PALLD: variants seen among roughly 807,000 people sequenced by gnomAD.
PALLD encodes the protein palladin, cytoskeletal associated protein, also known as palladin.
PALLD carries 61 observed loss-of-function variants against 123.5 expected under a neutral mutation model. The ratio of observed to expected loss-of-function variants is 0.49; its 90% CI spans 0.40 to 0.61. The LOEUF is 0.61. PALLD is among the 20% of genes least tolerant of loss of function. PALLD has a pLI of 0.00. For missense variants in PALLD, 1,273 were observed against 1,377.0 expected (o/e 0.92, Z 1.20); for synonymous variants, 465 against 496.4 (o/e 0.94, Z 0.84).
chr4:168,718,938 C>T lies in PALLD; in HGVS notation c.1964+7015C>T, dbSNP rs533181001. Among the ~76,000 whole-genome samples, 27 of 139,216 alleles carry T rather than the reference C, an allele frequency of 1.9e-4. No individual in the cohort carries two copies. In the South Asian group the frequency reaches 2.9e-3, roughly 15 times the overall value. The allele number at this position is 139,216 out of a possible 152,430, so 91.3% of individuals were successfully genotyped here. The stretch of plus-strand genomic sequence containing the variant: ...TTTTTTTTTTTTTGAGACGGAGTCT[C>T]GCTCTGTTGCCCAGGCTGGAGTGCA... On this transcript the variant is annotated intron_variant, in intron 10 of 21. Transcript: ENST00000505667.
intron 10 of PALLD, among the ~76,000 whole-genome samples, chr4:168,749,775 G>A (rs186072586): frequency 3.1e-4 from 47 of 152,250 alleles, no homozygotes; most frequent in Admixed American, 5.9e-4. Flanking sequence ...TTTGTTACAT[G>A]GGGGTATTGT....
At chr4:168,582,948 T>C (rs2319910) in intron 2 of PALLD, among the ~76,000 whole-genome samples, 39,937 of 152,064 alleles carry the variant, frequency 0.26, 6,031 homozygotes, top group East Asian at 0.35. Flanking sequence ...AGTACTTTAC[T>C]GTTCATTGAA....
intron 10 of PALLD, among the ~76,000 whole-genome samples, chr4:168,761,367 GA>G (rs1482264207): frequency 2.0e-5 from 3 of 152,058 alleles, no homozygotes; most frequent in African/African-American, 7.2e-5. Flanking sequence ...GTAAAACTCG[GA>G]GATTCTTTCC....
intron 2 of PALLD, among the ~76,000 whole-genome samples, chr4:168,633,151 A>G (rs1000842624): frequency 3.3e-5 from 5 of 152,346 alleles, no homozygotes; most frequent in African/African-American, 9.6e-5. Flanking sequence ...GTGGAGCTCA[A>G]TGGAATGCTT....
chr4:168,802,106 G>A (rs951601793), intron 10 of PALLD, among the ~76,000 whole-genome samples: 3 of 152,194 alleles, frequency 2.0e-5, no homozygotes, highest in Non-Finnish European at 2.9e-5. Flanking sequence ...CTACAAAATT[G>A]GGGAGTTACT....
chr4:168,525,914 T>C (rs1277743783), intron 2 of PALLD, among the ~76,000 whole-genome samples: 1 of 152,226 alleles, frequency 6.6e-6, no homozygotes. Context: ...CCTATAATAA[T>C]TATATACCGT....
chr4:168,504,252 T>C lies in PALLD; in HGVS notation c.-83+7058T>C, dbSNP rs182057390. ...TGGGCGAGGCCAAGGAAGAGTCATT[T>C]CCTCCATGGTGAAGAACATAATGCT... On this transcript the variant is annotated intron_variant, in intron 1 of 21. Coordinates refer to ENST00000505667, the MANE Select transcript of PALLD (RefSeq NM_001166108.2). 3.0e-3 allele frequency among the ~76,000 whole-genome samples: 463 copies of C among 152,258 alleles called. 4 individuals carry two copies. The highest frequency in any genetic ancestry group is 0.017 in the Middle Eastern group (5 of 294).
In PALLD at chr4:168,891,055, C is replaced by G. The variant is rs1227774822; in HGVS notation, c.2098C>G (p.Pro700Ala). 1.2e-6 allele frequency: 2 copies of G among 1,613,922 alleles called. No homozygotes were observed. The highest frequency in any genetic ancestry group is 1.7e-6 in the Non-Finnish European group (2 of 1,179,932). The part of the protein sequence containing the change: ...FKEDLLNNGQ[P>A]RLTYEERMAR... ...GGAGGACCTCCTGAACAATGGCCAG[C>G]CGGTACTGATAGATTTGGGACCTGG... is the stretch of plus-strand genomic sequence containing the variant. The change falls in exon 11 of 22, where the codon CCG becomes GCG. Residue 700 changes from proline (P) to alanine (A), a missense_variant and splice_region_variant. By Grantham distance (27) the Pro-to-Ala change is conservative. Around this residue, in one of 2 missense-constraint regions of PALLD, gnomAD observed 944 missense variants for 954.5 expected, o/e 0.99. Coordinates refer to ENST00000505667, the MANE Select transcript of PALLD (RefSeq NM_001166108.2).
chr4:168,505,733 G>A (rs187713683), intron 1 of PALLD, among the ~76,000 whole-genome samples: 9 of 152,288 alleles, frequency 5.9e-5, no homozygotes, highest in African/African-American at 2.2e-4. Context: ...ATGACTCTGG[G>A]CACAATGCCC....
At chr4:168,567,068 G>T (rs2149594730) in intron 2 of PALLD, among the ~76,000 whole-genome samples, 1 of 152,298 alleles carries the variant, frequency 6.6e-6, no homozygotes, top group East Asian at 1.9e-4. Flanking sequence ...ACAGTGAGTT[G>T]TCTCTGTAGC....
At chr4:168,517,688 G>A (rs1317901031) in intron 2 of PALLD, among the ~76,000 whole-genome samples, 4 of 152,118 alleles carry the variant, frequency 2.6e-5, no homozygotes, top group African/African-American at 7.2e-5. Flanking sequence ...ATTTGGTTTC[G>A]GAAAATGTAG....
rs1182432684 is a variant in PALLD at position 168,828,870 on chromosome 4, C to T, written c.1965-62052C>T. The T allele has an allele frequency of 3.9e-5, 6 of 152,258 alleles. No individual in the cohort carries two copies. In the South Asian group the frequency reaches 1.2e-3, roughly 31 times the overall value. 9.4% of individuals were successfully genotyped at this position (152,258 alleles called of 1,614,324 possible). A position where few individuals can be genotyped will look rare whatever the true frequency, so the allele number is the denominator to read the frequency against. On this transcript the variant is annotated intron_variant, in intron 10 of 21. Transcript: ENST00000505667. ...GCTGGAGGGAGTTCCTTGAGTGTCA[C>T]TCCTGACGAAATAAAAGTTCATTGT...
At chr4:168,586,994 G>A (rs1770890071) in intron 2 of PALLD, among the ~76,000 whole-genome samples, 1 of 152,168 alleles carries the variant, frequency 6.6e-6, no homozygotes. Flanking sequence ...CTTCTGCTCA[G>A]AAGACATTTG....
intron 10 of PALLD, among the ~76,000 whole-genome samples, chr4:168,767,774 C>A (rs1002748055): frequency 2.0e-5 from 3 of 152,046 alleles, no homozygotes; most frequent in African/African-American, 7.2e-5. Flanking sequence ...CTCAAACTCC[C>A]AACCTCAGGT....
intron 2 of PALLD, among the ~76,000 whole-genome samples, chr4:168,656,301 T>A (rs1018278081): frequency 3.7e-5 from 5 of 134,192 alleles, no homozygotes; most frequent in Non-Finnish European, 7.6e-5. Flanking sequence ...ATTTTCACAA[T>A]GTAGGTAACT....
intron 10 of PALLD, among the ~76,000 whole-genome samples, chr4:168,813,725 G>A (rs1214802190): frequency 6.6e-6 from 1 of 152,190 alleles, no homozygotes; most frequent in Non-Finnish European, 1.5e-5. Flanking sequence ...CTCACCAGTA[G>A]CTGGGATTAC....
At chr4:168,541,222 A>G (rs1189370787) in intron 2 of PALLD, among the ~76,000 whole-genome samples, 1 of 152,192 alleles carries the variant, frequency 6.6e-6, no homozygotes, top group East Asian at 1.9e-4. Flanking sequence ...AACTGCACTC[A>G]TTCTTTATCT....
intron 10 of PALLD, among the ~76,000 whole-genome samples, chr4:168,723,552 G>A (rs1031883181): frequency 1.5e-4 from 23 of 152,212 alleles, no homozygotes; most frequent in Non-Finnish European, 2.8e-4. Context: ...GAGAATTGGA[G>A]AAGGAAGATG....
chr4:168,529,512 C>T (rs1164540994), intron 2 of PALLD, among the ~76,000 whole-genome samples: 2 of 152,042 alleles, frequency 1.3e-5, no homozygotes, highest in South Asian at 2.1e-4. Flanking sequence ...TACCACATGA[C>T]GATGGAAAGT....
Sources: gnomAD v4.1 joint callset for allele counts (sites outside exome capture counted in the v4.1 genomes callset) on GRCh38, gnomAD v4.1.1 for gene constraint, gnomAD v4.1.1 regional missense constraint, MANE v1.5 for transcripts, NCBI Gene and HGNC (gene_info 2026-07-23, HGNC 2026-07-21) for gene names.